The following CACNA2D3 variants were observed in gnomAD, a reference collection of about 807,000 sequenced individuals.
The protein encoded by CACNA2D3 is calcium voltage-gated channel auxiliary subunit alpha2delta 3, also known as voltage-dependent calcium channel subunit alpha-2/delta-3.
Under a neutral mutation model 160.6 loss-of-function variants are expected in CACNA2D3, and 60 were observed. The observed-to-expected ratio is 0.37, with a 90% confidence interval of 0.30 to 0.46. The LOEUF (loss-of-function observed/expected upper bound fraction) is 0.46. Ranked by LOEUF, CACNA2D3 falls within the 20% of genes least tolerant of loss-of-function variation. CACNA2D3 has a pLI of 1.00. For synonymous variants in CACNA2D3, 558 were observed against 492.9 expected, an observed-to-expected ratio of 1.13 and a Z score of -1.75; for missense variants, 1,205 against 1,365.0, an observed-to-expected ratio of 0.88 and a Z score of 1.85.
At chr3:54,920,616 C>G (rs1250385762) in intron 27 of CACNA2D3, among the ~76,000 whole-genome samples, 1 of 152,192 alleles carries the variant, frequency 6.6e-6, no homozygotes, top group Non-Finnish European at 1.5e-5. Flanking sequence ...CCATTTCATT[C>G]CTCTGCACCT....
chr3:54,937,915 C>T lies in CACNA2D3; in HGVS notation c.2450-30535C>T, dbSNP rs186328424. Reference sequence around the variant, plus strand: ...GGTTGCTGTCCCCGACCTCATCTCCCGGTCACTTTATTATTAATATTGAAA... The same window carrying T: ...GGTTGCTGTCCCCGACCTCATCTCCTGGTCACTTTATTATTAATATTGAAA... On this transcript the variant is annotated intron_variant, in intron 27 of 37. Coordinates refer to ENST00000474759, the MANE Select transcript of CACNA2D3 (RefSeq NM_018398.3). 2.4e-4 allele frequency among the ~76,000 whole-genome samples: 36 copies of T among 152,202 alleles called. 1 individual carries two copies. In the East Asian group the frequency reaches 5.8e-3, roughly 25 times the overall value.
At chr3:54,125,160 A>G (rs1346943567) in intron 2 of CACNA2D3, among the ~76,000 whole-genome samples, 1 of 151,974 alleles carries the variant, frequency 6.6e-6, no homozygotes, top group Non-Finnish European at 1.5e-5. Flanking sequence ...GCCTGTTAAT[A>G]TTTTTTGGTT....
intron 2 of CACNA2D3, among the ~76,000 whole-genome samples, chr3:54,226,312 C>CTT (rs10677482): frequency 0.3 from 31,724 of 106,656 alleles, 6,024 homozygotes; most frequent in East Asian, 0.55. Flanking sequence ...GCCCCTGATG[C>CTT]TTTTTTTTTT....
At chr3:54,806,536 G>C (rs1229719410) in intron 13 of CACNA2D3, among the ~76,000 whole-genome samples, 6 of 151,606 alleles carry the variant, frequency 4.0e-5, no homozygotes, top group East Asian at 3.9e-4. Flanking sequence ...ACAAACCACT[G>C]CTCAATGAAA....
intron 2 of CACNA2D3, among the ~76,000 whole-genome samples, chr3:54,249,698 C>CACACACACACACACACA (rs1559895839): frequency 6.7e-6 from 1 of 149,732 alleles, no homozygotes; most frequent in Non-Finnish European, 1.5e-5. Context: ...CACACACACA[C>CACACACACACACACACA]CCCTCATCCT....
chr3:54,759,164 A>G (rs1358661476), intron 12 of CACNA2D3, among the ~76,000 whole-genome samples: 1 of 152,226 alleles, frequency 6.6e-6, no homozygotes, highest in African/African-American at 2.4e-5. Context: ...TTATAGAGAA[A>G]AACGAGCAGA....
At chr3:54,838,771 T>G in intron 16 of CACNA2D3, 123 bp downstream of exon 16, 1 of 735,698 alleles carries the variant, frequency 1.4e-6, no homozygotes, top group Non-Finnish European at 2.4e-6. Context: ...TTACAGCCTG[T>G]TAGCTTGTCT....
chr3:54,455,230 C>T (rs1208492069), intron 4 of CACNA2D3, among the ~76,000 whole-genome samples: 1 of 152,040 alleles, frequency 6.6e-6, no homozygotes, highest in Non-Finnish European at 1.5e-5. Context: ...ATAAGAATTC[C>T]CCTTTCTCTG....
chr3:54,340,088 A>C (rs1354344399), intron 3 of CACNA2D3, among the ~76,000 whole-genome samples: 1 of 152,218 alleles, frequency 6.6e-6, no homozygotes, highest in Non-Finnish European at 1.5e-5. Flanking sequence ...TGATTTTAGA[A>C]AACTTAGGTT....
chr3:54,950,114 G>A (rs1701719569), intron 27 of CACNA2D3, among the ~76,000 whole-genome samples: 1 of 152,228 alleles, frequency 6.6e-6, no homozygotes, highest in Non-Finnish European at 1.5e-5. Context: ...TCTTTCAAGT[G>A]CAGCTGGAAA....
chr3:54,183,501 T>C (rs1700820695), intron 2 of CACNA2D3, among the ~76,000 whole-genome samples: 1 of 152,006 alleles, frequency 6.6e-6, no homozygotes, highest in South Asian at 2.1e-4. Flanking sequence ...TTTTCCTTTC[T>C]AAAACTTTTA....
chr3:54,814,032 A>T (rs1559592386), intron 13 of CACNA2D3, among the ~76,000 whole-genome samples: 1 of 151,136 alleles, frequency 6.6e-6, no homozygotes, highest in Non-Finnish European at 1.5e-5. Flanking sequence ...TTCCCAGCTA[A>T]TTTTTTTTGT....
At chr3:54,464,416 G>A (rs1488431142) in intron 4 of CACNA2D3, among the ~76,000 whole-genome samples, 2 of 152,216 alleles carry the variant, frequency 1.3e-5, no homozygotes, top group Non-Finnish European at 2.9e-5. Flanking sequence ...TTGAGCTGTG[G>A]TGGGCTCCAC....
chr3:54,704,052 A>C (rs1700814429), intron 11 of CACNA2D3, among the ~76,000 whole-genome samples: 1 of 152,216 alleles, frequency 6.6e-6, no homozygotes, highest in South Asian at 2.1e-4. Flanking sequence ...AAACAGCTTC[A>C]TAGAAATGTC....
intron 11 of CACNA2D3, among the ~76,000 whole-genome samples, chr3:54,666,378 C>T (rs752340964): frequency 1.3e-5 from 2 of 152,156 alleles, no homozygotes; most frequent in Non-Finnish European, 2.9e-5. Flanking sequence ...AAAGTTGGAA[C>T]AAAGCTCTGC....
At chr3:54,618,562 G>A (rs1446067818) in intron 9 of CACNA2D3, among the ~76,000 whole-genome samples, 1 of 151,986 alleles carries the variant, frequency 6.6e-6, no homozygotes, top group African/African-American at 2.4e-5. Flanking sequence ...TTTATAAAAC[G>A]CTACAAATCT....
intron 4 of CACNA2D3, among the ~76,000 whole-genome samples, chr3:54,455,073 T>G (rs1172729470): frequency 2.0e-5 from 3 of 152,178 alleles, no homozygotes; most frequent in African/African-American, 7.2e-5. Context: ...AGATATCTCT[T>G]CAACATACTG....
At chr3:54,793,797 A>G (rs890979146) in intron 13 of CACNA2D3, among the ~76,000 whole-genome samples, 1 of 152,132 alleles carries the variant, frequency 6.6e-6, no homozygotes, top group East Asian at 1.9e-4. Flanking sequence ...TTTTTGTTAG[A>G]TTGCTGTATT....
chr3:54,681,234 T>TATGG (rs1265618192), intron 11 of CACNA2D3, among the ~76,000 whole-genome samples: 1 of 151,552 alleles, frequency 6.6e-6, no homozygotes, highest in African/African-American at 2.4e-5. Context: ...CTGTGTCATG[T>TATGG]ATGGATAGAA....
Sources: gnomAD v4.1 joint callset for allele counts (sites outside exome capture counted in the v4.1 genomes callset) on GRCh38, gnomAD v4.1.1 for gene constraint, MANE v1.5 for transcripts, NCBI Gene and HGNC (gene_info 2026-07-23, HGNC 2026-07-21) for gene names.